The following TEK variants were observed in gnomAD, a reference collection of about 807,000 sequenced individuals.
TEK encodes TEK receptor tyrosine kinase.
A neutral mutation model predicts 131.8 loss-of-function variants in TEK; 43 were observed. The ratio of observed to expected loss-of-function variants is 0.33; its 90% confidence interval spans 0.26 to 0.42. TEK has a LOEUF of 0.42. Among genes scored for constraint, TEK ranks in the 10% least tolerant of loss-of-function variants. TEK has a pLI of 1.00. For synonymous variants in TEK, 580 were observed against 491.6 expected (o/e 1.18, Z -2.38); for missense variants, 1,162 against 1,384.4 (o/e 0.84, Z 2.55).
intron 1 of TEK, among the ~76,000 whole-genome samples, chr9:27,136,206 C>T (rs138316658): frequency 4.0e-4 from 61 of 151,908 alleles, no homozygotes; most frequent in African/African-American, 1.4e-3. Context: ...CTCAGCCTCC[C>T]GAGTAGCTGG....
chr9:27,221,790 CA>C (rs1826094201), intron 21 of TEK, among the ~76,000 whole-genome samples: 1 of 152,174 alleles, frequency 6.6e-6, no homozygotes, highest in Non-Finnish European at 1.5e-5. Flanking sequence ...GGAGAGAAAC[CA>C]GTGCAAAACC....
At position 27,149,354 on chromosome 9, in the gene TEK, C is replaced by T. The variant is rs116098926; in HGVS notation, c.53-8477C>T. 3.2e-3 allele frequency among the ~76,000 whole-genome samples: 494 copies of T among 152,202 alleles called. 2 individuals carry two copies. The highest frequency in any genetic ancestry group is 0.011 in the African/African-American group (469 of 41,530). ...ATTCCTGAATTTCAGGGTTTTTTAA[C>T]CTATAAAATTGAGTGTAAATGCTTT... On this transcript the variant is annotated intron_variant, in intron 1 of 22. Transcript: ENST00000380036.
intron 10 of TEK, among the ~76,000 whole-genome samples, chr9:27,192,278 T>C (rs755286670): frequency 6.6e-6 from 1 of 152,218 alleles, no homozygotes; most frequent in Admixed American, 6.5e-5. Flanking sequence ...ATACACACTT[T>C]AATGTGTACA....
intron 21 of TEK, among the ~76,000 whole-genome samples, chr9:27,222,249 A>AAAGTGATGGGGAGAATGGAACC: frequency 6.6e-6 from 1 of 152,204 alleles, no homozygotes; most frequent in South Asian, 2.1e-4. Flanking sequence ...ACCAAACCTG[A>AAAGTGATGGGGAGAATGGAACC]AAGTGATGGG....
At chr9:27,226,569 C>T (rs1380281184) in intron 21 of TEK, among the ~76,000 whole-genome samples, 3 of 151,112 alleles carry the variant, frequency 2.0e-5, no homozygotes, top group African/African-American at 7.3e-5. Context: ...TATCACACGC[C>T]TATCGGGGGG....
intron 9 of TEK, among the ~76,000 whole-genome samples, chr9:27,188,279 A>T (rs1485964262): frequency 6.6e-6 from 1 of 152,216 alleles, no homozygotes; most frequent in African/African-American, 2.4e-5. Context: ...AGTGGTGGTT[A>T]CATGGGTGTA....
chr9:27,217,373 G>A (rs987022544), intron 18 of TEK, among the ~76,000 whole-genome samples: 3 of 152,052 alleles, frequency 2.0e-5, no homozygotes, highest in African/African-American at 7.3e-5. Context: ...TTCTCACTCA[G>A]TGTCTATGCC....
At chr9:27,109,679 TA>T in intron 1 of TEK, 37 bp downstream of exon 1, 1 of 1,607,154 alleles carries the variant, frequency 6.2e-7, no homozygotes, top group African/African-American at 1.3e-5. Context: ...TTTAGTATTT[TA>T]AAAAACAGAG....
At chr9:27,119,890 C>CAT in intron 1 of TEK, among the ~76,000 whole-genome samples, 1 of 151,216 alleles carries the variant, frequency 6.6e-6, no homozygotes, top group East Asian at 2.0e-4. Context: ...TGTGCACATG[C>CAT]GTGTGTGTGT....
rs757228426 is a variant in TEK, at chr9:27,173,272, C to G, written c.811C>G (p.Gln271Glu). The change falls in exon 6 of 23, where the codon CAA becomes GAA. Residue 271 changes from glutamine (Q) to glutamate (E), a missense_variant. Physicochemically the swap from Gln to Glu is conservative, Grantham distance 29. Coordinates refer to ENST00000380036, the MANE Select transcript of TEK (RefSeq NM_000459.5). ...GRTCKERCSG[Q>E]EGCKSYVFCL... Reference sequence around the variant, plus strand: ...AACTTGTAAAGAAAGGTGCAGTGGACAAGAGGGATGCAAGTCTTATGTGTT... The same window carrying G: ...AACTTGTAAAGAAAGGTGCAGTGGAGAAGAGGGATGCAAGTCTTATGTGTT... 6.2e-7 allele frequency: 1 copy of G among 1,614,074 alleles called. No homozygotes were observed. The highest frequency in any genetic ancestry group is 2.2e-5 in the East Asian group (1 of 44,880).
chr9:27,164,933 A>G (rs941629052), intron 2 of TEK, among the ~76,000 whole-genome samples: 26 of 152,216 alleles, frequency 1.7e-4, no homozygotes, highest in Non-Finnish European at 3.5e-4. Context: ...GTCAAGTCAC[A>G]TAACATCAAT....
At chr9:27,158,894 C>A (rs566806165) in intron 2 of TEK, among the ~76,000 whole-genome samples, 1 of 152,166 alleles carries the variant, frequency 6.6e-6, no homozygotes. Flanking sequence ...CTGTAGACCT[C>A]GTGATCTGCC....
chr9:27,129,779 A>T (rs1282295694), intron 1 of TEK, among the ~76,000 whole-genome samples: 1 of 152,146 alleles, frequency 6.6e-6, no homozygotes. Context: ...TCTTAAACGC[A>T]TGATCCATGG....
rs1320026729 is a variant in TEK at position 27,157,696 on chromosome 9, T to TGCC, written c.53-135_53-134insGCC. 3.2e-5 allele frequency: 34 copies of TGCC among 1,067,640 alleles called. No homozygotes were observed. The African/African-American group carries it at 5.1e-4, about 16-fold the overall frequency. The allele number at this position is 1,067,640 out of a possible 1,614,324, so 66.1% of individuals were successfully genotyped here. On this transcript the variant is annotated intron_variant, in intron 1 of 22. Transcript: ENST00000380036. ...GTTTTGGATTTTGTCCAGTGGAAGA[T>TGCC]AGGCACATGGTCAGAATAGCATTTT...
At chr9:27,216,638 T>A (rs1435165641) in intron 18 of TEK, among the ~76,000 whole-genome samples, 2 of 152,170 alleles carry the variant, frequency 1.3e-5, no homozygotes, top group East Asian at 3.8e-4. Flanking sequence ...CCATTTAGAA[T>A]TTATGTTTAG....
At chr9:27,152,914 T>C (rs1183998330) in intron 1 of TEK, among the ~76,000 whole-genome samples, 1 of 152,054 alleles carries the variant, frequency 6.6e-6, no homozygotes, top group Non-Finnish European at 1.5e-5. Flanking sequence ...TACAAGAAAA[T>C]GTAAATATAA....
chr9:27,221,702 G>GT (rs944917782), intron 21 of TEK, among the ~76,000 whole-genome samples: 19 of 152,276 alleles, frequency 1.2e-4, no homozygotes, highest in Admixed American at 1.0e-3. Context: ...GTAACAAACA[G>GT]AAAGGAATAG....
At chr9:27,201,531 G>A (rs1825213001) in intron 12 of TEK, among the ~76,000 whole-genome samples, 1 of 152,092 alleles carries the variant, frequency 6.6e-6, no homozygotes, top group Non-Finnish European at 1.5e-5. Context: ...TGTAAAGAAA[G>A]TTAAGACATA....
intron 10 of TEK, among the ~76,000 whole-genome samples, chr9:27,190,946 T>C (rs547714500): frequency 1.6e-4 from 24 of 152,270 alleles, no homozygotes; most frequent in South Asian, 4.1e-4. Flanking sequence ...TATCAATATT[T>C]CTTTTTGGAT....
Sources: gnomAD v4.1 joint callset for allele counts (sites outside exome capture counted in the v4.1 genomes callset) on GRCh38, gnomAD v4.1.1 for gene constraint, MANE v1.5 for transcripts, NCBI Gene and HGNC (gene_info 2026-07-23, HGNC 2026-07-21) for gene names.